Variants in CEBPG observed in about 807,000 individuals in gnomAD.
The protein encoded by CEBPG is CCAAT enhancer binding protein gamma, also known as CCAAT/enhancer-binding protein gamma.
In CEBPG, 6 loss-of-function variants were observed where a neutral mutation model predicts 11.1. The observed-to-expected ratio is 0.54, with a 90% CI of 0.30 to 1.07. The LOEUF (loss-of-function observed/expected upper bound fraction) is 1.07. CEBPG is among the 50% of genes least tolerant of loss of function. The pLI is 0.07. For missense variants in CEBPG, 161 were observed against 187.4 expected (o/e 0.86, Z 0.82); for synonymous variants, 66 against 71.0 (o/e 0.93, Z 0.36).
chr19:33,378,427 GTTTTACTAAT>G (rs574025214), intron 1 of CEBPG, among the ~76,000 whole-genome samples: 49 of 152,202 alleles, frequency 3.2e-4, no homozygotes, highest in African/African-American at 1.2e-3. Context: ...TGTGTTTTGA[GTTTTACTAAT>G]TATGTCAAGA....
chr19:33,377,077 C>T (rs146102559), intron 1 of CEBPG, among the ~76,000 whole-genome samples: 1 of 152,320 alleles, frequency 6.6e-6, no homozygotes, highest in African/African-American at 2.4e-5. Flanking sequence ...CAGCCTAGTA[C>T]CTTGCAAGAT....
In CEBPG at chr19:33,379,403, G is replaced by A. The variant is rs745957639; in HGVS notation, c.164G>A (p.Ser55Asn). 1.2e-6 allele frequency: 2 copies of A among 1,614,080 alleles called. No individual in the cohort carries two copies. The highest frequency in any genetic ancestry group is 2.7e-5 in the African/African-American group (2 of 75,026). ...AVAPSKQSKK[S>N]SPMDRNSDEY... is the part of the protein sequence containing the mutation. ...GCTCCCAGCAAGCAGAGCAAAAAGA[G>A]TTCGCCCATGGATCGAAACAGTGAC... Residue 55 changes from serine to asparagine, a missense_variant, in exon 2 of 2, where the codon AGT becomes AAT. Ser to Asn is a conservative substitution (Grantham distance 46). Coordinates refer to ENST00000284000, the MANE Select transcript of CEBPG (RefSeq NM_001806.4).
intron 1 of CEBPG, among the ~76,000 whole-genome samples, chr19:33,374,103 C>T (rs936663226): frequency 3.3e-5 from 5 of 149,700 alleles, no homozygotes; most frequent in African/African-American, 1.2e-4. Context: ...CCGGCGGGGA[C>T]GCTGAGCTCA....
Position 33,381,361 on chromosome 19 carries a change from A to G in CEBPG, c.*1669A>G, listed in dbSNP as rs1967985876. ...CATCATGGTGTCCAGCAACTCAGCA[A>G]AGCCATTCTTAAGAGTCGTGAGGTC... On this transcript the variant is annotated 3_prime_UTR_variant, in exon 2 of 2. Coordinates refer to ENST00000284000, the MANE Select transcript of CEBPG (RefSeq NM_001806.4). The G allele has an allele frequency of 6.0e-6, 1 of 167,076 alleles. No homozygotes were observed. The highest frequency in any genetic ancestry group is 2.4e-5 in the African/African-American group (1 of 41,442). The allele number at this position is 167,076 out of a possible 1,614,324, so 10.3% of individuals were successfully genotyped here.
In CEBPG at chr19:33,382,026, T is replaced by C. The variant is rs1338237625; in HGVS notation, c.*2334T>C. ...ATGAATCAATTTAGAGCTTCGGGAATTGTGAGGTGACTTTTGTAACTTTTG... is the reference window on the plus strand; with the variant it reads ...ATGAATCAATTTAGAGCTTCGGGAACTGTGAGGTGACTTTTGTAACTTTTG... On this transcript the variant is annotated 3_prime_UTR_variant, in exon 2 of 2. Transcript: ENST00000284000. 1.2e-5 allele frequency: 2 copies of C among 167,090 alleles called. No individual in the cohort carries two copies. Among genetic ancestry groups the C allele is most frequent in the African/African-American group, 4.8e-5 (2 of 41,448 alleles). 10.4% of individuals were successfully genotyped at this position (167,090 alleles called of 1,614,324 possible).
At chr19:33,379,117 T>C (rs1967949816) in intron 1 of CEBPG, 27 bp from the exon 2 acceptor site, 2 of 818,790 alleles carry the variant, frequency 2.4e-6, no homozygotes, top group East Asian at 5.5e-5. Flanking sequence ...ATTTCAAATA[T>C]TTTAATGCAA....
In CEBPG at chr19:33,380,520, T is replaced by C. The variant is rs949490283; in HGVS notation, c.*828T>C. 3 of 167,108 alleles carry C rather than the reference T, an allele frequency of 1.8e-5. No homozygotes were observed. The highest frequency in any genetic ancestry group is 7.2e-5 in the African/African-American group (3 of 41,474). The allele number at this position is 167,108 out of a possible 1,614,324, so 10.4% of individuals were successfully genotyped here. ...CTGCAGATGCTAGTGTTTTTTTGGATACAATTTTGACAACCAAGTTAGTAA... is the reference window on the plus strand; with the variant it reads ...CTGCAGATGCTAGTGTTTTTTTGGACACAATTTTGACAACCAAGTTAGTAA... On this transcript the variant is annotated 3_prime_UTR_variant, in exon 2 of 2. Transcript: ENST00000284000.
Position 33,379,617 on chromosome 19 carries a change from A to C in CEBPG, c.378A>C (p.Ala126=). The C allele has an allele frequency of 6.2e-7, 1 of 1,614,176 alleles. No homozygotes were observed. Among genetic ancestry groups the C allele is most frequent in the Non-Finnish European group, 8.5e-7 (1 of 1,180,030 alleles). The change falls in exon 2 of 2, where the codon GCA becomes GCC. Residue 126 remains alanine (A), a synonymous_variant. Transcript: ENST00000284000. ...SVLKDLFLEH[A]HNLADNVQSI... Reference sequence around the variant, plus strand: ...TCAAAGATTTGTTTCTTGAGCATGCACACAACCTTGCAGACAACGTACAGT... The same window carrying C: ...TCAAAGATTTGTTTCTTGAGCATGCCCACAACCTTGCAGACAACGTACAGT...
Position 33,380,400 on chromosome 19 carries a change from G to GTT in CEBPG, c.*712_*713dup, listed in dbSNP as rs1967970207. 6.0e-6 allele frequency: 1 copy of GTT among 166,690 alleles called. No homozygotes were observed. 10.3% of individuals were successfully genotyped at this position (166,690 alleles called of 1,614,324 possible). On this transcript the variant is annotated 3_prime_UTR_variant, in exon 2 of 2. Transcript: ENST00000284000. ...AATAAAACTAAAGCATAGGAATTAT[G>GTT]TTTTTGAGATACCTTTGGGCTTAGA... is the stretch of plus-strand genomic sequence containing the variant.
intron 1 of CEBPG, among the ~76,000 whole-genome samples, chr19:33,376,638 C>T (rs1316242687): frequency 6.6e-6 from 1 of 152,240 alleles, no homozygotes; most frequent in Non-Finnish European, 1.5e-5. Context: ...AGCTTTCCTG[C>T]TGTTTCCTCC....
intron 1 of CEBPG, 133 bp from the exon 2 acceptor site, chr19:33,379,011 G>A (rs1967948537): frequency 2.3e-6 from 1 of 427,438 alleles, no homozygotes; most frequent in Non-Finnish European, 4.1e-6. Flanking sequence ...AGAAACATTG[G>A]AACAGTTGGC....
At position 33,382,444 on chromosome 19, in the gene CEBPG, G is replaced by A. The variant is rs1968001733; in HGVS notation, c.*2752G>A. On this transcript the variant is annotated 3_prime_UTR_variant, in exon 2 of 2. Transcript: ENST00000284000. ...TCCCCATTAGAGGGCTTGAGACCTT[G>A]TACCTGAACAACCCATTTTGCACTC... The A allele has an allele frequency of 6.0e-6, 1 of 167,090 alleles. No homozygotes were observed. The allele number at this position is 167,090 out of a possible 1,614,324, so 10.4% of individuals were successfully genotyped here.
At chr19:33,378,841 G>A (rs1429475914) in intron 1 of CEBPG, among the ~76,000 whole-genome samples, 4 of 152,328 alleles carry the variant, frequency 2.6e-5, no homozygotes, top group South Asian at 4.1e-4. Context: ...AGTGCTGTTA[G>A]TTCACATGCG....
chr19:33,377,563 A>G (rs554227994), intron 1 of CEBPG, among the ~76,000 whole-genome samples: 8 of 152,360 alleles, frequency 5.3e-5, no homozygotes, highest in African/African-American at 1.4e-4. Flanking sequence ...CCAAATGGAT[A>G]ATAATAATGT....
rs954533199 is a variant in CEBPG, at chr19:33,380,684, C to T, written c.*992C>T. On this transcript the variant is annotated 3_prime_UTR_variant, in exon 2 of 2. Coordinates refer to ENST00000284000, the MANE Select transcript of CEBPG (RefSeq NM_001806.4). ...AAGTCAAAATTTTCTTCTGAAGGCTCATTTTGGTATTTGATCTTAACCAAG... is the reference window on the plus strand; with the variant it reads ...AAGTCAAAATTTTCTTCTGAAGGCTTATTTTGGTATTTGATCTTAACCAAG... The T allele has an allele frequency of 3.0e-5, 5 of 166,950 alleles. No homozygotes were observed. The Admixed American group carries it at 3.3e-4, about 11-fold the overall frequency. 10.3% of individuals were successfully genotyped at this position (166,950 alleles called of 1,614,324 possible).
chr19:33,379,759 C>A lies in CEBPG; in HGVS notation c.*67C>A. 2.1e-6 allele frequency: 3 copies of A among 1,395,988 alleles called. No individual in the cohort carries two copies. The highest frequency in any genetic ancestry group is 2.4e-5 in the East Asian group (1 of 41,184). The allele number at this position is 1,395,988 out of a possible 1,614,324, so 86.5% of individuals were successfully genotyped here. A position where few individuals can be genotyped will look rare whatever the true frequency, so the allele number is the denominator to read the frequency against. ...TAAAGGTGTGACCACCGACACCACTCATGTCAATGGCTGAAAGTTGTCCAT... is the reference window on the plus strand; with the variant it reads ...TAAAGGTGTGACCACCGACACCACTAATGTCAATGGCTGAAAGTTGTCCAT... On this transcript the variant is annotated 3_prime_UTR_variant, in exon 2 of 2. Coordinates refer to ENST00000284000, the MANE Select transcript of CEBPG (RefSeq NM_001806.4).
intron 1 of CEBPG, among the ~76,000 whole-genome samples, chr19:33,378,055 A>G (rs1484399694): frequency 6.6e-6 from 1 of 152,208 alleles, no homozygotes; most frequent in Non-Finnish European, 1.5e-5. Context: ...TAAATTTCTA[A>G]GAGTGCCCTG....
rs960301967 is a variant in CEBPG at position 33,381,647 on chromosome 19, A to G, written c.*1955A>G. 7 of 167,120 alleles carry G rather than the reference A, an allele frequency of 4.2e-5. No homozygotes were observed. Among genetic ancestry groups the G allele is most frequent in the South Asian group, 2.1e-4 (1 of 4,828 alleles). 10.4% of individuals were successfully genotyped at this position (167,120 alleles called of 1,614,324 possible). A position where few individuals can be genotyped will look rare whatever the true frequency, so the allele number is the denominator to read the frequency against. On this transcript the variant is annotated 3_prime_UTR_variant, in exon 2 of 2. Transcript: ENST00000284000. ...CATTAGGTCACTTGAATGTATAAGC[A>G]AGCACCTATGGTAGGCGCTACAGAC...
chr19:33,382,076 T>C lies in CEBPG; in HGVS notation c.*2384T>C, dbSNP rs867635310. Reference sequence around the variant, plus strand: ...GTTCTGTGTGTGACCTGTGAACCACTAGGATGTGATCTGCCCTTGTGGGCA... The same window carrying C: ...GTTCTGTGTGTGACCTGTGAACCACCAGGATGTGATCTGCCCTTGTGGGCA... On this transcript the variant is annotated 3_prime_UTR_variant, in exon 2 of 2. Transcript: ENST00000284000. 3 of 167,148 alleles carry C rather than the reference T, an allele frequency of 1.8e-5. No individual in the cohort carries two copies. The highest frequency in any genetic ancestry group is 4.4e-5 in the Non-Finnish European group (3 of 68,126). The allele number at this position is 167,148 out of a possible 1,614,324, so 10.4% of individuals were successfully genotyped here.
Sources: gnomAD v4.1 joint callset for allele counts (sites outside exome capture counted in the v4.1 genomes callset) on GRCh38, gnomAD v4.1.1 for gene constraint, MANE v1.5 for transcripts, NCBI Gene and HGNC (gene_info 2026-07-23, HGNC 2026-07-21) for gene names.